SEMA6D: variants seen among roughly 807,000 people sequenced by gnomAD.
The protein encoded by SEMA6D is semaphorin 6D.
A neutral mutation model predicts 106.6 loss-of-function variants in SEMA6D; 35 were observed. That is an observed-to-expected ratio of 0.33 (90% CI 0.25 to 0.44). The LOEUF (loss-of-function observed/expected upper bound fraction) is 0.44, where lower values mean the gene tolerates loss of function less well. SEMA6D is among the 20% of genes least tolerant of loss of function. The pLI is 1.00. For missense variants in SEMA6D, 1,185 were observed against 1,345.9 expected (o/e 0.88, Z 1.87); for synonymous variants, 499 against 487.7 (o/e 1.02, Z -0.31).
intron 3 of SEMA6D, among the ~76,000 whole-genome samples, chr15:47,567,264 A>C (rs1046258447): frequency 1.1e-4 from 16 of 152,234 alleles, no homozygotes; most frequent in African/African-American, 3.9e-4. Context: ...GAAATTTTAC[A>C]TTGGAAACCC....
At chr15:47,545,708 G>T (rs556518361) in intron 3 of SEMA6D, among the ~76,000 whole-genome samples, 1 of 152,034 alleles carries the variant, frequency 6.6e-6, no homozygotes, top group Non-Finnish European at 1.5e-5. Flanking sequence ...CATGTATTTC[G>T]TGAAAGAGCT....
intron 1 of SEMA6D, among the ~76,000 whole-genome samples, chr15:47,387,426 C>T (rs2039878607): frequency 6.6e-6 from 1 of 152,098 alleles, no homozygotes; most frequent in South Asian, 2.1e-4. Context: ...AGTTTTGTGA[C>T]CTTGTATTAG....
chr15:47,730,271 G>C, intron 1 of SEMA6D: 1 of 1,539,514 alleles, frequency 6.5e-7, no homozygotes, highest in South Asian at 1.1e-5. Flanking sequence ...GTTGTAATTG[G>C]TCCTGATAGC....
intron 1 of SEMA6D, among the ~76,000 whole-genome samples, chr15:47,408,400 C>T (rs2040667687): frequency 1.3e-5 from 2 of 152,154 alleles, no homozygotes; most frequent in South Asian, 4.1e-4. Context: ...AATATACTTT[C>T]CACTACCTTC....
intron 3 of SEMA6D, among the ~76,000 whole-genome samples, chr15:47,597,099 A>G (rs1176999748): frequency 6.6e-6 from 1 of 152,086 alleles, no homozygotes; most frequent in Non-Finnish European, 1.5e-5. Context: ...AAATAACTCA[A>G]TTTTAAAAAG....
Position 47,771,594 on chromosome 15 carries a change from T to C in SEMA6D, c.3031T>C (p.Tyr1011His). The C allele has an allele frequency of 1.2e-6, 2 of 1,614,142 alleles. No individual in the cohort carries two copies. The highest frequency in any genetic ancestry group is 1.7e-6 in the Non-Finnish European group (2 of 1,179,984). ...MPTPTGAKVDYIQGTPVSVHL... is the reference protein window; with the variant it reads ...MPTPTGAKVDHIQGTPVSVHL... ...CACCCCCACTGGGGCGAAGGTGGAC[T>C]ATATTCAGGGAACACCAGTGAGTGT... The change falls in exon 19 of 19, where the codon TAT (tyrosine) becomes CAT (histidine). Residue 1011 changes from tyrosine to histidine, a missense_variant. By Grantham distance (83) the Tyr-to-His change is moderately conservative (BLOSUM62 2). Around this residue, in one of 3 missense-constraint regions of SEMA6D, gnomAD observed 750 missense variants for 783.5 expected, o/e 0.96. Transcript: ENST00000536845.
Position 47,603,537 on chromosome 15 carries a change from T to G in SEMA6D, c.-55+2641T>G, listed in dbSNP as rs1322474990. ...TTCTCAACAAGTCGCCAAAGCTAGC[T>G]GAGTCCAAGTTCCTCATCTGTAAAA... On this transcript the variant is annotated intron_variant, in intron 4 of 19. Transcript: ENST00000558014. 2.0e-5 allele frequency: 3 copies of G among 152,270 alleles called. No individual in the cohort carries two copies. In the East Asian group the frequency reaches 5.8e-4, roughly 29 times the overall value. The allele number at this position is 152,270 out of a possible 1,614,324, so 9.4% of individuals were successfully genotyped here. A position where few individuals can be genotyped will look rare whatever the true frequency, so the allele number is the denominator to read the frequency against.
At chr15:47,420,696 A>G (rs2041124159) in intron 2 of SEMA6D, among the ~76,000 whole-genome samples, 1 of 152,110 alleles carries the variant, frequency 6.6e-6, no homozygotes, top group South Asian at 2.1e-4. Context: ...TTCTAAAACC[A>G]ACATCTTTTT....
intron 1 of SEMA6D, among the ~76,000 whole-genome samples, chr15:47,338,016 T>A (rs1315489945): frequency 6.6e-6 from 1 of 152,192 alleles, no homozygotes; most frequent in African/African-American, 2.4e-5. Flanking sequence ...GCAGCTATAT[T>A]GCCTGCAGGC....
intron 1 of SEMA6D, among the ~76,000 whole-genome samples, chr15:47,389,002 G>C (rs1016183779): frequency 6.7e-6 from 1 of 149,980 alleles, no homozygotes; most frequent in Admixed American, 6.7e-5. Flanking sequence ...AGGATTATTT[G>C]GTGCAAAAGT....
chr15:47,363,644 G>A (rs1170859808), intron 1 of SEMA6D, among the ~76,000 whole-genome samples: 2 of 152,170 alleles, frequency 1.3e-5, no homozygotes, highest in Non-Finnish European at 2.9e-5. Context: ...TCATCATTGT[G>A]CCAGTGACAA....
At chr15:47,325,606 C>A (rs1452891168) in intron 1 of SEMA6D, among the ~76,000 whole-genome samples, 1 of 152,148 alleles carries the variant, frequency 6.6e-6, no homozygotes, top group Admixed American at 6.5e-5. Context: ...AACCTTAAAC[C>A]CTCTTTCCCA....
chr15:47,518,924 T>C (rs943600000), intron 3 of SEMA6D, among the ~76,000 whole-genome samples: 1 of 151,948 alleles, frequency 6.6e-6, no homozygotes, highest in African/African-American at 2.4e-5. Flanking sequence ...AGGAGTACAC[T>C]CTATAATATA....
intron 1 of SEMA6D, among the ~76,000 whole-genome samples, chr15:47,259,909 TG>T (rs1195812414): frequency 2.8e-4 from 42 of 151,996 alleles, no homozygotes; most frequent in Admixed American, 2.6e-3. Context: ...GTTGTTCAGA[TG>T]GGGTAAACTG....
At chr15:47,336,070 C>T (rs1009776450) in intron 1 of SEMA6D, among the ~76,000 whole-genome samples, 3 of 152,154 alleles carry the variant, frequency 2.0e-5, no homozygotes, top group Non-Finnish European at 4.4e-5. Context: ...TAGTGTCCTT[C>T]GGCTCAACCC....
rs1053730002 is a variant in SEMA6D at position 47,462,432 on chromosome 15, G to A, written c.-158-8042G>A. ...TCATGTATCCCAAATGACCCATCTC[G>A]GCCTCTCTCTTCTCAGACGGGAACT... On this transcript the variant is annotated intron_variant, in intron 2 of 19. Coordinates refer to the SEMA6D transcript ENST00000558014. Among the ~76,000 whole-genome samples, 8 of 151,906 alleles carry A rather than the reference G, an allele frequency of 5.3e-5. No individual in the cohort carries two copies. In the South Asian group the frequency reaches 1.0e-3, roughly 20 times the overall value.
intron 2 of SEMA6D, among the ~76,000 whole-genome samples, chr15:47,465,928 G>T (rs2042644892): frequency 6.6e-6 from 1 of 152,082 alleles, no homozygotes. Context: ...CAGGGAACTT[G>T]ACATGCTTTT....
intron 4 of SEMA6D, chr15:47,600,953 T>C (rs1332021873): frequency 2.0e-5 from 3 of 152,118 alleles, no homozygotes; most frequent in Non-Finnish European, 4.4e-5. Context: ...TGTTACTGGT[T>C]TTAGATAAGT....
intron 1 of SEMA6D, among the ~76,000 whole-genome samples, chr15:47,332,045 C>T (rs2037363638): frequency 6.6e-6 from 1 of 152,130 alleles, no homozygotes; most frequent in South Asian, 2.1e-4. Context: ...TATTATTATT[C>T]TTCCAATGTG....
Sources: gnomAD v4.1 joint callset for allele counts (sites outside exome capture counted in the v4.1 genomes callset) on GRCh38, gnomAD v4.1.1 for gene constraint, gnomAD v4.1.1 regional missense constraint, MANE v1.5 for transcripts, NCBI Gene and HGNC (gene_info 2026-07-23, HGNC 2026-07-21) for gene names.